SNTG1: variants seen among roughly 807,000 people sequenced by gnomAD.
The protein encoded by SNTG1 is gamma-1-syntrophin.
SNTG1 carries 39 observed loss-of-function variants against 74.7 expected under a neutral mutation model. The ratio of observed to expected loss-of-function variants is 0.52; its 90% CI spans 0.40 to 0.68. The LOEUF (loss-of-function observed/expected upper bound fraction) is 0.68, where lower values mean the gene tolerates loss of function less well. Among genes scored for constraint, SNTG1 ranks in the 30% least tolerant of loss-of-function variants. SNTG1 has a pLI of 0.00. For missense variants in SNTG1, 685 were observed against 609.5 expected, an observed-to-expected ratio of 1.12 and a Z score of -1.30; for synonymous variants, 254 against 217.1, an observed-to-expected ratio of 1.17 and a Z score of -1.49.
intron 1 of SNTG1, among the ~76,000 whole-genome samples, chr8:50,129,138 C>T (rs1201632165): frequency 2.0e-5 from 3 of 152,018 alleles, no homozygotes; most frequent in Admixed American, 1.3e-4. Context: ...TACTGAGTGC[C>T]TACTATGTGC....
At chr8:49,943,934 T>C (rs1808923698) in intron 1 of SNTG1, among the ~76,000 whole-genome samples, 1 of 152,216 alleles carries the variant, frequency 6.6e-6, no homozygotes, top group Non-Finnish European at 1.5e-5. Flanking sequence ...CTTTTAAATA[T>C]TAAAGCAGGA....
At chr8:50,704,112 C>T (rs1018680826) in intron 15 of SNTG1, among the ~76,000 whole-genome samples, 11 of 141,920 alleles carry the variant, frequency 7.8e-5, no homozygotes, top group South Asian at 4.8e-4. Context: ...GTAAATAATG[C>T]GTTTTTTTTT....
intron 1 of SNTG1, among the ~76,000 whole-genome samples, chr8:50,061,621 T>G (rs1055337211): frequency 3.3e-5 from 5 of 152,178 alleles, no homozygotes; most frequent in African/African-American, 1.2e-4. Flanking sequence ...AATGTAAACA[T>G]TTAGTGTTAT....
chr8:50,062,783 A>C (rs1441858259), intron 1 of SNTG1, among the ~76,000 whole-genome samples: 2 of 152,214 alleles, frequency 1.3e-5, no homozygotes, highest in Non-Finnish European at 2.9e-5. Context: ...TACATATTGT[A>C]AGACTGAGTG....
intron 15 of SNTG1, among the ~76,000 whole-genome samples, chr8:50,662,133 G>A (rs549593352): frequency 1.1e-4 from 17 of 152,246 alleles, no homozygotes; most frequent in Admixed American, 2.0e-4. Flanking sequence ...AATCAGAGGG[G>A]GAGTCTTCTA....
At chr8:50,051,846 T>TG (rs1240470824) in intron 1 of SNTG1, among the ~76,000 whole-genome samples, 2 of 152,080 alleles carry the variant, frequency 1.3e-5, no homozygotes, top group Non-Finnish European at 2.9e-5. Flanking sequence ...CCTACTTTTT[T>TG]GGGGGCAGAC....
intron 2 of SNTG1, among the ~76,000 whole-genome samples, chr8:50,255,340 T>C (rs1254212357): frequency 6.6e-6 from 1 of 152,192 alleles, no homozygotes; most frequent in Non-Finnish European, 1.5e-5. Context: ...GTCAAGTTTC[T>C]AATGTTTTGG....
chr8:50,268,716 G>A (rs1056485435), intron 2 of SNTG1, among the ~76,000 whole-genome samples: 2 of 151,824 alleles, frequency 1.3e-5, no homozygotes, highest in Non-Finnish European at 2.9e-5. Context: ...GAATGCCGTG[G>A]CAGGATCTTG....
intron 17 of SNTG1, among the ~76,000 whole-genome samples, chr8:50,730,244 C>A (rs902882099): frequency 1.3e-5 from 2 of 152,048 alleles, no homozygotes; most frequent in Non-Finnish European, 2.9e-5. Flanking sequence ...GCTTAGTTTT[C>A]TCTGCTAAGT....
intron 1 of SNTG1, among the ~76,000 whole-genome samples, chr8:50,159,828 A>C (rs2131587700): frequency 6.6e-6 from 1 of 152,264 alleles, no homozygotes; most frequent in East Asian, 1.9e-4. Context: ...AGGTTCCATT[A>C]TATATGACAA....
intron 15 of SNTG1, among the ~76,000 whole-genome samples, chr8:50,671,254 G>A (rs1410147164): frequency 2.0e-5 from 3 of 151,734 alleles, no homozygotes; most frequent in Non-Finnish European, 2.9e-5. Flanking sequence ...GAGTGAACAG[G>A]CAACCTACAA....
At position 50,614,704 on chromosome 8, in the gene SNTG1, T is replaced by G. The variant is rs181851328; in HGVS notation, c.849+23787T>G. Among the ~76,000 whole-genome samples, 4 of 152,292 alleles carry G rather than the reference T, an allele frequency of 2.6e-5. No homozygotes were observed. In the East Asian group the frequency reaches 5.8e-4, roughly 22 times the overall value. ...AGAAGAATGGCTAAAATGGATGTGC[T>G]TTATATGTATTTGTGTCAATTATTG... On this transcript the variant is annotated intron_variant, in intron 13 of 18. Transcript: ENST00000642720.
chr8:50,597,210 C>T (rs2094733488), intron 13 of SNTG1, among the ~76,000 whole-genome samples: 1 of 151,538 alleles, frequency 6.6e-6, no homozygotes, highest in Non-Finnish European at 1.5e-5. Flanking sequence ...AACATAATGT[C>T]TTCCAAGTTC....
chr8:50,659,423 T>A (rs2095205114), intron 15 of SNTG1, among the ~76,000 whole-genome samples: 1 of 152,200 alleles, frequency 6.6e-6, no homozygotes, highest in Non-Finnish European at 1.5e-5. Flanking sequence ...GGGAGCTAAT[T>A]TCCCTTTGCT....
intron 1 of SNTG1, among the ~76,000 whole-genome samples, chr8:50,171,516 G>T (rs2082806777): frequency 6.6e-6 from 1 of 151,966 alleles, no homozygotes. Context: ...ATTAAGGGTG[G>T]GTCTGCCTTC....
At chr8:50,297,544 G>A (rs926494058) in intron 2 of SNTG1, among the ~76,000 whole-genome samples, 1 of 152,044 alleles carries the variant, frequency 6.6e-6, no homozygotes, top group Non-Finnish European at 1.5e-5. Flanking sequence ...AGTAAAATAA[G>A]GGTGACTTGG....
chr8:50,205,190 T>G (rs1269245204), intron 2 of SNTG1, among the ~76,000 whole-genome samples: 1 of 152,208 alleles, frequency 6.6e-6, no homozygotes, highest in Non-Finnish European at 1.5e-5. Flanking sequence ...CCAACAGCAG[T>G]GTAAAACTGT....
chr8:50,062,413 G>C (rs902314299), intron 1 of SNTG1, among the ~76,000 whole-genome samples: 1 of 151,694 alleles, frequency 6.6e-6, no homozygotes, highest in Non-Finnish European at 1.5e-5. Flanking sequence ...ATCAGTTTTT[G>C]CTTCTTTAGG....
chr8:50,039,279 T>C (rs1818418990), intron 1 of SNTG1, among the ~76,000 whole-genome samples: 1 of 151,428 alleles, frequency 6.6e-6, no homozygotes, highest in Non-Finnish European at 1.5e-5. Context: ...CACGGTGAAA[T>C]ACTGTGTCTA....
Sources: allele counts gnomAD v4.1 joint callset (sites outside exome capture counted in the v4.1 genomes callset), GRCh38; gene constraint gnomAD v4.1.1; transcripts MANE v1.5; gene names NCBI Gene and HGNC (gene_info 2026-07-23, HGNC 2026-07-21).